Variants in PCDHGA9 observed in about 807,000 individuals in gnomAD.
The protein encoded by PCDHGA9 is protocadherin gamma-A9.
In PCDHGA9, 37 loss-of-function variants were observed where a neutral mutation model predicts 62.5. The observed-to-expected ratio is 0.59, with a 90% CI of 0.46 to 0.78. The LOEUF is 0.78. Ranked by LOEUF, PCDHGA9 falls within the 30% of genes least tolerant of loss-of-function variation. The pLI is 0.00. For missense variants in PCDHGA9, 1,138 were observed against 1,166.2 expected (o/e 0.98, Z 0.35); for synonymous variants, 459 against 484.6 (o/e 0.95, Z 0.69).
intron 1 of PCDHGA9, among the ~76,000 whole-genome samples, chr5:141,463,641 C>T (rs182957065): frequency 2.0e-5 from 3 of 151,734 alleles, no homozygotes; most frequent in African/African-American, 7.2e-5. Context: ...TTAGTAGAGA[C>T]GGGGTTTCAC....
Position 141,414,697 on chromosome 5 carries a change from T to A in PCDHGA9, c.2424+9321T>A, listed in dbSNP as rs748722995. The A allele has an allele frequency of 9.3e-6, 15 of 1,614,036 alleles. No homozygotes were observed. Among genetic ancestry groups the A allele is most frequent in the Non-Finnish European group, 1.3e-5 (15 of 1,179,930 alleles). ...CATCCAGGGGGTACCTCTGTCCTCA[T>A]ACATATCCATCAACTCAGACACTGG... is the stretch of plus-strand genomic sequence containing the variant. On this transcript the variant is annotated intron_variant, in intron 1 of 3. Transcript: ENST00000573521.
rs773729429 is a variant in PCDHGA9, at chr5:141,491,406, C to T, written c.2425-3401C>T. ...CGAAGTGCCTTCAGGGAAACGCAGA[C>T]GGGGACGGGGGTGGAGGGCAGTGCT... On this transcript the variant is annotated intron_variant, in intron 1 of 3. Transcript: ENST00000573521. The surrounding 1 kb of genome is among the most constrained non-coding windows in gnomAD (Gnocchi z 6.9). The T allele has an allele frequency of 1.2e-6, 2 of 1,614,096 alleles. No homozygotes were observed. The highest frequency in any genetic ancestry group is 1.7e-6 in the Non-Finnish European group (2 of 1,179,990).
chr5:141,422,833 C>T, intron 1 of PCDHGA9: 2 of 1,614,224 alleles, frequency 1.2e-6, no homozygotes, highest in East Asian at 2.2e-5. Context: ...AGTGATAGCA[C>T]GTGACAGCGG....
chr5:141,491,571 C>G lies in PCDHGA9; in HGVS notation c.2425-3236C>G. The G allele has an allele frequency of 6.2e-7, 1 of 1,614,026 alleles. No individual in the cohort carries two copies. The highest frequency in any genetic ancestry group is 8.5e-7 in the Non-Finnish European group (1 of 1,180,042). ...CGCAGAGCCACTGCTACAGGACGTG[C>G]TTTTCACCGGCCTCGGACGGCAGTG... On this transcript the variant is annotated intron_variant, in intron 1 of 3. Transcript: ENST00000573521. This position sits in a 1 kb window ranked among gnomAD's most constrained non-coding sequence, Gnocchi z 6.9.
intron 1 of PCDHGA9, among the ~76,000 whole-genome samples, chr5:141,447,631 A>G (rs59518107): frequency 0.11 from 16,809 of 152,214 alleles, 1,093 homozygotes; most frequent in African/African-American, 0.17. Flanking sequence ...AACCAACAGT[A>G]TGAATGATGG....
At chr5:141,438,063 A>G (rs540817874) in intron 1 of PCDHGA9, among the ~76,000 whole-genome samples, 11 of 152,224 alleles carry the variant, frequency 7.2e-5, no homozygotes, top group Non-Finnish European at 1.5e-4. Context: ...CTTTTAAGAA[A>G]CCATACTTAA....
intron 1 of PCDHGA9, chr5:141,433,201 CTTCT>C (rs759014851): frequency 3.9e-5 from 61 of 1,573,466 alleles, no homozygotes; most frequent in Admixed American, 1.2e-4. Flanking sequence ...TATATCAAAT[CTTCT>C]TTCTTTTTTT....
At position 141,468,868 on chromosome 5, in the gene PCDHGA9, A is replaced by AAAT. The variant is rs993655754; in HGVS notation, c.2425-25921_2425-25919dup. Among the ~76,000 whole-genome samples, 30 of 151,912 alleles carry AAAT rather than the reference A, an allele frequency of 2.0e-4. No homozygotes were observed. The East Asian group carries it at 4.3e-3, about 22-fold the overall frequency. On this transcript the variant is annotated intron_variant, in intron 1 of 3. Coordinates refer to ENST00000573521, the MANE Select transcript of PCDHGA9 (RefSeq NM_018921.3). ...GCAACAGAGCGAGACTCCATCTCAAAAATAATAATAATAATAATAAGGTAC... is the reference window on the plus strand; with the variant it reads ...GCAACAGAGCGAGACTCCATCTCAAAAATAATAATAATAATAATAATAAGGTAC...
At position 141,470,874 on chromosome 5, in the gene PCDHGA9, T is replaced by G. The variant is rs146599745; in HGVS notation, c.2425-23933T>G. ...AGATAAGTTTTTTGTTTGTTTGTTT[T>G]TTTGTTTTTGTTTTTGTTTTTTGTA... On this transcript the variant is annotated intron_variant, in intron 1 of 3. Coordinates refer to ENST00000573521, the MANE Select transcript of PCDHGA9 (RefSeq NM_018921.3). 1.4e-3 allele frequency among the ~76,000 whole-genome samples: 218 copies of G among 151,820 alleles called. 1 individual carries two copies. Among genetic ancestry groups the G allele is most frequent in the Middle Eastern group, 0.01 (3 of 294 alleles).
chr5:141,413,089 C>CTT, intron 1 of PCDHGA9: 1 of 1,401,124 alleles, frequency 7.1e-7, no homozygotes, highest in South Asian at 1.4e-5. Flanking sequence ...TACAGAGACA[C>CTT]CCTGAAGCCA....
intron 1 of PCDHGA9, chr5:141,408,303 G>T: frequency 1.2e-6 from 2 of 1,613,794 alleles, no homozygotes; most frequent in South Asian, 1.1e-5. Context: ...GAGCCGATCC[G>T]CTACTCGATT....
At chr5:141,481,913 C>CAA (rs34114744) in intron 1 of PCDHGA9, among the ~76,000 whole-genome samples, 26 of 90,736 alleles carry the variant, frequency 2.9e-4, no homozygotes, top group Non-Finnish European at 3.5e-4. Context: ...AACTCCATCT[C>CAA]AAAAAAAAAA....
At chr5:141,428,049 G>A (rs770637382) in intron 1 of PCDHGA9, 16 of 1,608,954 alleles carry the variant, frequency 9.9e-6, no homozygotes, top group Non-Finnish European at 1.4e-5. Flanking sequence ...GGTGACCAAG[G>A]TGGTGGCGGT....
At chr5:141,450,786 C>A (rs1468388706) in intron 1 of PCDHGA9, among the ~76,000 whole-genome samples, 1 of 151,020 alleles carries the variant, frequency 6.6e-6, no homozygotes, top group Admixed American at 6.6e-5. Flanking sequence ...CGTGCCCGGA[C>A]CTCATGATTG....
chr5:141,435,838 C>T (rs1037110579), intron 1 of PCDHGA9, among the ~76,000 whole-genome samples: 1 of 152,062 alleles, frequency 6.6e-6, no homozygotes, highest in Non-Finnish European at 1.5e-5. Context: ...TGCCTATCTA[C>T]TTTGAAAGAT....
At position 141,512,523 on chromosome 5, in the gene PCDHGA9, T is replaced by A. The variant is rs1222752176; in HGVS notation, c.*1350T>A. 6.5e-6 allele frequency: 1 copy of A among 152,848 alleles called. No homozygotes were observed. The highest frequency in any genetic ancestry group is 1.5e-5 in the Non-Finnish European group (1 of 68,240). 9.5% of individuals were successfully genotyped at this position (152,848 alleles called of 1,614,324 possible). A position where few individuals can be genotyped will look rare whatever the true frequency, so the allele number is the denominator to read the frequency against. The stretch of plus-strand genomic sequence containing the variant: ...AGTGCGCCCCCTAGTGGCCATAGCC[T>A]GGTTAAAGTTCCCCAGTGCCTCCTT... On this transcript the variant is annotated 3_prime_UTR_variant, in exon 4 of 4. Transcript: ENST00000573521.
intron 1 of PCDHGA9, among the ~76,000 whole-genome samples, chr5:141,457,729 T>A (rs950979422): frequency 2.0e-5 from 3 of 152,236 alleles, no homozygotes; most frequent in Non-Finnish European, 4.4e-5. Context: ...GAATTTCAGA[T>A]TAGACTTTTA....
At chr5:141,409,030 G>C (rs377547144) in intron 1 of PCDHGA9, 2 of 1,614,010 alleles carry the variant, frequency 1.2e-6, no homozygotes, top group South Asian at 2.2e-5. Context: ...TCAATGCTGA[G>C]ATAAACTACT....
In PCDHGA9 at chr5:141,486,269, G is replaced by T; in HGVS notation, c.2425-8538G>T. 6.2e-7 allele frequency: 1 copy of T among 1,613,996 alleles called. No homozygotes were observed. The highest frequency in any genetic ancestry group is 8.5e-7 in the Non-Finnish European group (1 of 1,179,956). On this transcript the variant is annotated intron_variant, in intron 1 of 3. Transcript: ENST00000573521. The surrounding 1 kb of genome is among the most constrained non-coding windows in gnomAD (Gnocchi z 5.0). ...AACCCTCCCCGAGAGTGCAGAACCT[G>T]GCACTGTGGTGGCACTTATCAGTGT...
Sources: gnomAD v4.1 joint callset for allele counts (sites outside exome capture counted in the v4.1 genomes callset) on GRCh38, gnomAD v4.1.1 for gene constraint, Gnocchi (gnomAD v3.1) non-coding constraint, MANE v1.5 for transcripts, NCBI Gene and HGNC (gene_info 2026-07-23, HGNC 2026-07-21) for gene names.